The following TBX20 variants were observed in gnomAD, a reference collection of about 807,000 sequenced individuals.
TBX20 encodes T-box transcription factor TBX20.
A neutral mutation model predicts 42.9 loss-of-function variants in TBX20; 8 were observed. The observed-to-expected ratio is 0.19, with a 90% confidence interval of 0.11 to 0.34. The LOEUF is 0.34. Among genes scored for constraint, TBX20 ranks in the 10% least tolerant of loss-of-function variants. The pLI is 1.00. For synonymous variants in TBX20, 198 were observed against 222.8 expected, an observed-to-expected ratio of 0.89 and a Z score of 0.99; for missense variants, 411 against 566.0, an observed-to-expected ratio of 0.73 and a Z score of 2.78.
intron 4 of TBX20, among the ~76,000 whole-genome samples, chr7:35,243,257 T>C (rs1243947625): frequency 2.6e-5 from 4 of 152,196 alleles, no homozygotes; most frequent in East Asian, 1.9e-4. Flanking sequence ...AAGTGCTGGA[T>C]TGCAGGTGTG....
chr7:35,217,909 G>T (rs12154802), intron 6 of TBX20, among the ~76,000 whole-genome samples: 2 of 151,882 alleles, frequency 1.3e-5, no homozygotes, highest in African/African-American at 4.8e-5. Flanking sequence ...TAGTAGAGAC[G>T]GGGTTTCTCC....
intron 3 of TBX20, among the ~76,000 whole-genome samples, chr7:35,247,395 T>C (rs1347528899): frequency 1.3e-5 from 2 of 152,104 alleles, no homozygotes; most frequent in Non-Finnish European, 2.9e-5. Flanking sequence ...AATTGTTTTT[T>C]AGATTTTCTT....
At chr7:35,250,238 A>G (rs368723903) in intron 1 of TBX20, 35 bp from the exon 2 acceptor site, 6 of 1,610,794 alleles carry the variant, frequency 3.7e-6, no homozygotes, top group Non-Finnish European at 4.2e-6. Flanking sequence ...GACAGCTGAC[A>G]CTGTTCAACA....
chr7:35,250,344 A>ATGGGTCAT, intron 1 of TBX20, 141 bp from the exon 2 acceptor site: 1 of 1,005,894 alleles, frequency 9.9e-7, no homozygotes, highest in Non-Finnish European at 1.5e-6. Context: ...TGTAGGGATG[A>ATGGGTCAT]CCCATCATCA....
At chr7:35,246,784 A>T (rs1308611278) in intron 3 of TBX20, among the ~76,000 whole-genome samples, 11 of 152,170 alleles carry the variant, frequency 7.2e-5, no homozygotes, top group Non-Finnish European at 1.0e-4. Flanking sequence ...ATGGAGATAG[A>T]TAAGTAGCAA....
intron 6 of TBX20, among the ~76,000 whole-genome samples, chr7:35,212,651 T>TAGTTGAA (rs1789517767): frequency 6.6e-6 from 1 of 152,226 alleles, no homozygotes; most frequent in Non-Finnish European, 1.5e-5. Context: ...GAGGGCTAAT[T>TAGTTGAA]CTTCCTCACT....
At chr7:35,242,788 A>G (rs924592744) in intron 4 of TBX20, among the ~76,000 whole-genome samples, 2 of 152,088 alleles carry the variant, frequency 1.3e-5, no homozygotes, top group African/African-American at 2.4e-5. Context: ...AGAAACGTGG[A>G]CTCTGCTTCA....
intron 6 of TBX20, among the ~76,000 whole-genome samples, chr7:35,212,560 G>A (rs1287243108): frequency 2.0e-5 from 3 of 152,124 alleles, no homozygotes; most frequent in Admixed American, 6.6e-5. Context: ...TTGGGATATA[G>A]TTAAGTTACC....
At chr7:35,245,219 A>G (rs1241182945) in intron 3 of TBX20, among the ~76,000 whole-genome samples, 162 bp from the exon 4 acceptor site, 1 of 152,170 alleles carries the variant, frequency 6.6e-6, no homozygotes, top group Non-Finnish European at 1.5e-5. Flanking sequence ...TGTCAAAACA[A>G]CTGAAAAATG....
intron 4 of TBX20, among the ~76,000 whole-genome samples, chr7:35,244,520 A>G (rs1250834961): frequency 6.6e-6 from 1 of 152,242 alleles, no homozygotes; most frequent in Non-Finnish European, 1.5e-5. Context: ...TATGTTCTAT[A>G]GACTACACTT....
intron 6 of TBX20, among the ~76,000 whole-genome samples, chr7:35,204,984 CAAAT>C (rs1789376676): frequency 6.6e-6 from 1 of 152,140 alleles, no homozygotes. Context: ...AAATACAAAA[CAAAT>C]ACTCAGTTGA....
chr7:35,239,794 C>T (rs2128714477), intron 5 of TBX20, among the ~76,000 whole-genome samples: 1 of 152,038 alleles, frequency 6.6e-6, no homozygotes, highest in East Asian at 1.9e-4. Flanking sequence ...CTTTGTCACC[C>T]AGGCTGGAGT....
intron 6 of TBX20, among the ~76,000 whole-genome samples, chr7:35,205,180 A>T (rs2128709827): frequency 6.6e-6 from 1 of 152,310 alleles, no homozygotes; most frequent in African/African-American, 2.4e-5. Context: ...AAATTACAAA[A>T]AACCCATGAA....
intron 6 of TBX20, among the ~76,000 whole-genome samples, chr7:35,228,799 G>C (rs1189757629): frequency 6.6e-6 from 1 of 152,024 alleles, no homozygotes; most frequent in Non-Finnish European, 1.5e-5. Context: ...TGGGCTTTTG[G>C]TTTGCTTCTC....
At chr7:35,240,775 A>C in intron 5 of TBX20, 104 bp downstream of exon 5, 1 of 1,058,852 alleles carries the variant, frequency 9.4e-7, no homozygotes, top group Non-Finnish European at 1.4e-6. Flanking sequence ...CTGCAAAGTG[A>C]ACATCCATTT....
At chr7:35,239,293 C>A (rs2128714402) in intron 5 of TBX20, among the ~76,000 whole-genome samples, 1 of 152,270 alleles carries the variant, frequency 6.6e-6, no homozygotes, top group Middle Eastern at 3.4e-3. Flanking sequence ...AGGTGACCAT[C>A]CTCCCCGGGA....
chr7:35,228,802 T>G (rs1261899022), intron 6 of TBX20, among the ~76,000 whole-genome samples: 3 of 152,146 alleles, frequency 2.0e-5, no homozygotes, highest in Non-Finnish European at 4.4e-5. Context: ...GCTTTTGGTT[T>G]GCTTCTCGGT....
chr7:35,249,981 C>T lies in TBX20; in HGVS notation c.350G>A (p.Gly117Asp), dbSNP rs138597530. 8.7e-6 allele frequency: 14 copies of T among 1,610,020 alleles called. No individual in the cohort carries two copies. The highest frequency in any genetic ancestry group is 1.3e-5 in the African/African-American group (1 of 74,826). Residue 117 changes from glycine (G) to aspartate (D), a missense_variant, in exon 2 of 8, where the codon GGC becomes GAC. Physicochemically the swap from Gly to Asp is moderately conservative, Grantham distance 94. Coordinates refer to ENST00000408931, the MANE Select transcript of TBX20 (RefSeq NM_001077653.2). This position sits in a 1 kb window ranked among gnomAD's most constrained non-coding sequence, Gnocchi z 4.3. ...KELWDKFHEL[G>D]TEMIITKSGR... Reference sequence around the variant, plus strand: ...CGACTTGGTGATGATCATCTCGGTGCCCAGCTCATGGAATTTGTCCCAAAG... The same window carrying T: ...CGACTTGGTGATGATCATCTCGGTGTCCAGCTCATGGAATTTGTCCCAAAG...
intron 6 of TBX20, among the ~76,000 whole-genome samples, chr7:35,215,078 A>C (rs916741031): frequency 1.6e-4 from 24 of 152,228 alleles, no homozygotes; most frequent in Non-Finnish European, 3.1e-4. Context: ...CACACAAGAC[A>C]AATAATTTCC....
Sources: allele counts gnomAD v4.1 joint callset (sites outside exome capture counted in the v4.1 genomes callset), GRCh38; gene constraint gnomAD v4.1.1; non-coding constraint Gnocchi (gnomAD v3.1); transcripts MANE v1.5; gene names NCBI Gene and HGNC (gene_info 2026-07-23, HGNC 2026-07-21).